SYT1: variants seen among roughly 807,000 people sequenced by gnomAD.
The protein encoded by SYT1 is synaptotagmin 1, also known as synaptotagmin-1.
Under a neutral mutation model 44.8 loss-of-function variants are expected in SYT1, and 8 were observed. The observed-to-expected ratio is 0.18, with a 90% confidence interval of 0.10 to 0.32. SYT1 has a LOEUF of 0.32. SYT1 is among the 10% of genes least tolerant of loss of function. The pLI is 1.00. For missense variants in SYT1, 286 were observed against 509.3 expected (o/e 0.56, Z 4.22); for synonymous variants, 154 against 188.8 (o/e 0.82, Z 1.51).
At position 78,941,945 on chromosome 12, in the gene SYT1, C is replaced by T. The variant is rs1878399330; in HGVS notation, c.-216-35854C>T. Among the ~76,000 whole-genome samples the T allele has an allele frequency of 2.0e-5, 3 of 152,266 alleles. No individual in the cohort carries two copies. The South Asian group carries it at 6.2e-4, about 32-fold the overall frequency. On this transcript the variant is annotated intron_variant, in intron 1 of 10. Transcript: ENST00000261205. ...CCATCACTTTCCTCTTATGTAAAAC[C>T]TTTCCTCTGCACACACATCCCAGCA...
intron 8 of SYT1, among the ~76,000 whole-genome samples, chr12:79,326,781 C>G (rs891327034): frequency 2.6e-5 from 4 of 152,112 alleles, no homozygotes; most frequent in African/African-American, 9.7e-5. Flanking sequence ...TCTTCAGATT[C>G]CCCACCACCA....
chr12:79,419,157 G>C (rs1482858979), intron 9 of SYT1: 1 of 427,650 alleles, frequency 2.3e-6, no homozygotes, highest in Non-Finnish European at 4.7e-6. Context: ...TCTCTATGTA[G>C]AAGGGACTAA....
At chr12:79,249,797 T>A (rs1168129770) in intron 4 of SYT1, among the ~76,000 whole-genome samples, 1 of 152,222 alleles carries the variant, frequency 6.6e-6, no homozygotes, top group East Asian at 1.9e-4. Context: ...ATTTTTCATG[T>A]TAACAGCAGT....
At chr12:79,044,612 C>T (rs1158640791) in intron 2 of SYT1, among the ~76,000 whole-genome samples, 1 of 148,752 alleles carries the variant, frequency 6.7e-6, no homozygotes, top group African/African-American at 2.5e-5. Context: ...TCGTCTGAAG[C>T]CTTCTTCTCT....
chr12:78,914,423 A>G (rs879751523), intron 1 of SYT1, among the ~76,000 whole-genome samples: 1 of 151,964 alleles, frequency 6.6e-6, no homozygotes, highest in Non-Finnish European at 1.5e-5. Flanking sequence ...ATGTTTTCAT[A>G]TGGATTAGCC....
intron 9 of SYT1, among the ~76,000 whole-genome samples, chr12:79,367,292 T>C (rs1199207436): frequency 6.6e-6 from 1 of 152,104 alleles, no homozygotes. Context: ...GGACAAACTC[T>C]CCCTCTCTCT....
intron 3 of SYT1, among the ~76,000 whole-genome samples, chr12:79,200,296 G>C (rs1239826412): frequency 6.6e-6 from 1 of 152,116 alleles, no homozygotes; most frequent in African/African-American, 2.4e-5. Flanking sequence ...ATTTTCCCCA[G>C]CTGGCCCTTG....
At chr12:78,935,476 T>C (rs1003984214) in intron 1 of SYT1, among the ~76,000 whole-genome samples, 2 of 152,090 alleles carry the variant, frequency 1.3e-5, no homozygotes, top group African/African-American at 4.8e-5. Flanking sequence ...ATATACTAAG[T>C]TATAGAACAG....
chr12:79,267,733 C>G (rs1272145899), intron 4 of SYT1, among the ~76,000 whole-genome samples: 1 of 152,138 alleles, frequency 6.6e-6, no homozygotes, highest in Non-Finnish European at 1.5e-5. Flanking sequence ...ACCTGGCATC[C>G]TTTACGTTTA....
At position 79,196,498 on chromosome 12, in the gene SYT1, C is replaced by T. The variant is rs374596114; in HGVS notation, c.-17-21005C>T. ...TCTAATTCTATATCTGGGTACTCCT[C>T]TCAAACTCGAAGAACCTTAATTTGG... On this transcript the variant is annotated intron_variant, in intron 3 of 10. Coordinates refer to ENST00000261205, the MANE Select transcript of SYT1 (RefSeq NM_005639.3). Among the ~76,000 whole-genome samples, 7 of 152,226 alleles carry T rather than the reference C, an allele frequency of 4.6e-5. 1 individual carries two copies. Among genetic ancestry groups the T allele is most frequent in the Admixed American group, 3.3e-4 (5 of 15,282 alleles).
At chr12:79,370,147 G>A (rs1440230288) in intron 9 of SYT1, among the ~76,000 whole-genome samples, 1 of 152,092 alleles carries the variant, frequency 6.6e-6, no homozygotes, top group African/African-American at 2.4e-5. Context: ...GAGAGATCTG[G>A]AATATTGCAT....
chr12:78,935,436 T>G (rs1354117673), intron 1 of SYT1, among the ~76,000 whole-genome samples: 1 of 152,058 alleles, frequency 6.6e-6, no homozygotes, highest in Non-Finnish European at 1.5e-5. Context: ...ACTGCTTTGG[T>G]AAAAATAACA....
intron 1 of SYT1, among the ~76,000 whole-genome samples, chr12:78,878,923 T>C (rs1874313400): frequency 6.6e-6 from 1 of 151,594 alleles, no homozygotes; most frequent in Admixed American, 6.6e-5. Flanking sequence ...CAATGTAAAG[T>C]TTAAGGATTC....
chr12:79,040,540 C>T (rs1182775819), intron 2 of SYT1, among the ~76,000 whole-genome samples: 2 of 152,114 alleles, frequency 1.3e-5, no homozygotes, highest in African/African-American at 2.4e-5. Context: ...GACAGATGAG[C>T]AGGTTGCAAA....
At chr12:79,246,892 T>C (rs1157865607) in intron 4 of SYT1, among the ~76,000 whole-genome samples, 1 of 152,200 alleles carries the variant, frequency 6.6e-6, no homozygotes, top group African/African-American at 2.4e-5. Flanking sequence ...CTTGATTTCT[T>C]TTTATCACCC....
Position 79,280,380 on chromosome 12 carries a change from G to A in SYT1, c.167-5407G>A, listed in dbSNP as rs766667736. 1.2e-4 allele frequency among the ~76,000 whole-genome samples: 18 copies of A among 152,152 alleles called. 1 individual carries two copies. Among genetic ancestry groups the A allele is most frequent in the South Asian group, 4.1e-4 (2 of 4,820 alleles). On this transcript the variant is annotated intron_variant, in intron 4 of 10. Coordinates refer to ENST00000261205, the MANE Select transcript of SYT1 (RefSeq NM_005639.3). ...CAGCCAACTGATCTTCAACAAAGCC[G>A]ATGAGAACATACACTGGGGAATCGA...
intron 9 of SYT1, among the ~76,000 whole-genome samples, chr12:79,369,054 A>G (rs1429631784): frequency 2.6e-5 from 4 of 152,344 alleles, no homozygotes; most frequent in African/African-American, 9.6e-5. Context: ...AAATTTGCCC[A>G]TATCAGTCAT....
At chr12:79,427,623 C>T (rs898137817) in intron 9 of SYT1, among the ~76,000 whole-genome samples, 1 of 152,104 alleles carries the variant, frequency 6.6e-6, no homozygotes, top group Non-Finnish European at 1.5e-5. Context: ...AAAGTAAACT[C>T]TGCTTTAGAA....
At chr12:79,116,562 C>G (rs1339709910) in intron 3 of SYT1, among the ~76,000 whole-genome samples, 1 of 152,126 alleles carries the variant, frequency 6.6e-6, no homozygotes, top group African/African-American at 2.4e-5. Context: ...CGTGGGTGAA[C>G]TAAGGATTCA....
Sources: gnomAD v4.1 joint callset for allele counts (sites outside exome capture counted in the v4.1 genomes callset) on GRCh38, gnomAD v4.1.1 for gene constraint, MANE v1.5 for transcripts, NCBI Gene and HGNC (gene_info 2026-07-23, HGNC 2026-07-21) for gene names.